Variants in CNTN6 observed in about 807,000 individuals in gnomAD.
CNTN6 encodes contactin-6.
Under a neutral mutation model 122.8 loss-of-function variants are expected in CNTN6, and 137 were observed. The observed-to-expected ratio is 1.12, with a 90% CI of 0.97 to 1.29. The LOEUF (loss-of-function observed/expected upper bound fraction) is 1.29. CNTN6 is among the 50% of genes most tolerant of loss of function. The pLI is 0.00. For missense variants in CNTN6, 1,634 were observed against 1,223.4 expected (o/e 1.34, Z -5.01); for synonymous variants, 570 against 426.0 (o/e 1.34, Z -4.16).
chr3:1,299,921 T>A (rs1227068643), intron 7 of CNTN6, among the ~76,000 whole-genome samples: 1 of 152,226 alleles, frequency 6.6e-6, no homozygotes, highest in African/African-American at 2.4e-5. Context: ...ACATTAAGAC[T>A]TGGCATTTAT....
chr3:1,330,482 C>T (rs778041923), intron 11 of CNTN6, among the ~76,000 whole-genome samples: 1 of 151,328 alleles, frequency 6.6e-6, no homozygotes, highest in African/African-American at 2.4e-5. Flanking sequence ...CAAAAGAAAA[C>T]AAACAAACAA....
chr3:1,333,310 C>T (rs562943651), intron 11 of CNTN6, among the ~76,000 whole-genome samples: 16 of 152,026 alleles, frequency 1.1e-4, no homozygotes, highest in Admixed American at 3.9e-4. Flanking sequence ...TCCCATTTTC[C>T]GAATTTACAG....
In CNTN6 at chr3:1,383,036, C is replaced by CA. The variant is rs770498747; in HGVS notation, c.2262dup (p.Ser755IlefsTer12). On this transcript the variant is annotated frameshift_variant, in exon 18 of 23. Coordinates refer to ENST00000446702, the MANE Select transcript of CNTN6 (RefSeq NM_001289080.2). LOFTEE classifies it high-confidence loss of function. Reference sequence around the variant, plus strand: ...ACAACCTGGTCCAAGGAGAAAGTGTCATCTGTGGAATCATCAAGGTTTGTC... The same window carrying CA: ...ACAACCTGGTCCAAGGAGAAAGTGTCAATCTGTGGAATCATCAAGGTTTGTC... The CA allele has an allele frequency of 3.7e-6, 6 of 1,614,008 alleles. No homozygotes were observed. The South Asian group carries it at 6.6e-5, about 18-fold the overall frequency.
chr3:1,372,904 G>T lies in CNTN6; in HGVS notation c.1735G>T (p.Val579Leu), dbSNP rs372282015. The change falls in exon 14 of 23, where the codon GTA (valine) becomes TTA (leucine). Residue 579 changes from valine to leucine, a missense_variant. Val to Leu is a conservative substitution (Grantham distance 32, BLOSUM62 1). Coordinates refer to ENST00000446702, the MANE Select transcript of CNTN6 (RefSeq NM_001289080.2). The part of the protein sequence containing the change: ...LHHSGKYLCT[V>L]QTTLESLSAV... ...TCATTCAGGAAAATATCTCTGCACA[G>T]TACAAACAACCCTAGAAAGTTTATC... 174 of 1,609,404 alleles carry T rather than the reference G, an allele frequency of 1.1e-4. No homozygotes were observed. The highest frequency in any genetic ancestry group is 1.4e-4 in the Non-Finnish European group (163 of 1,177,256).
At chr3:1,357,289 T>C (rs1301493991) in intron 12 of CNTN6, among the ~76,000 whole-genome samples, 2 of 151,914 alleles carry the variant, frequency 1.3e-5, no homozygotes, top group Non-Finnish European at 2.9e-5. Flanking sequence ...TATAGAACTC[T>C]TACTAAAGTG....
intron 4 of CNTN6, among the ~76,000 whole-genome samples, chr3:1,249,791 C>G (rs916007009): frequency 6.6e-5 from 10 of 152,164 alleles, no homozygotes; most frequent in African/African-American, 2.4e-4. Flanking sequence ...GGGTATGTCC[C>G]TTGAGCACAA....
chr3:1,361,321 A>T (rs1018440246), intron 12 of CNTN6, among the ~76,000 whole-genome samples: 1 of 152,116 alleles, frequency 6.6e-6, no homozygotes, highest in Non-Finnish European at 1.5e-5. Context: ...TAGAAGCTAC[A>T]ATGTTGCTAT....
intron 11 of CNTN6, among the ~76,000 whole-genome samples, chr3:1,336,761 T>A (rs2126022467): frequency 6.6e-6 from 1 of 152,222 alleles, no homozygotes; most frequent in Non-Finnish European, 1.5e-5. Context: ...CTTCAATATT[T>A]TTGCCTTCAA....
At chr3:1,265,322 GA>G (rs2094910862) in intron 4 of CNTN6, among the ~76,000 whole-genome samples, 1 of 152,020 alleles carries the variant, frequency 6.6e-6, no homozygotes, top group African/African-American at 2.4e-5. Context: ...CTGTTCTCTG[GA>G]AAAATCAGTG....
chr3:1,321,625 A>G (rs779321463), intron 7 of CNTN6, 25 bp from the exon 8 acceptor site: 6 of 1,509,660 alleles, frequency 4.0e-6, no homozygotes, highest in East Asian at 2.3e-5. Flanking sequence ...ACCGTCTTCT[A>G]TTCTAATGAG....
At chr3:1,103,237 C>T (rs1262381990) in intron 1 of CNTN6, among the ~76,000 whole-genome samples, 2 of 152,186 alleles carry the variant, frequency 1.3e-5, no homozygotes, top group Non-Finnish European at 2.9e-5. Flanking sequence ...CATTTAATGT[C>T]GTTAGTCAAT....
rs1486954316 is a variant in CNTN6 at position 1,298,155 on chromosome 3, T to C, written c.761+164T>C. 4 of 573,842 alleles carry C rather than the reference T, an allele frequency of 7.0e-6. No homozygotes were observed. In the East Asian group the frequency reaches 1.2e-4, roughly 17 times the overall value. The allele number at this position is 573,842 out of a possible 1,614,324, so 35.5% of individuals were successfully genotyped here. ...TTTGAATTTAAACAAACATGTCTAA[T>C]ACTGAGACAATGACCAGGCCTGTAA... On this transcript the variant is annotated intron_variant, in intron 7 of 22. Coordinates refer to ENST00000446702, the MANE Select transcript of CNTN6 (RefSeq NM_001289080.2).
chr3:1,267,905 TTGATGACACCAC>T (rs2125736846), intron 4 of CNTN6, among the ~76,000 whole-genome samples: 1 of 152,124 alleles, frequency 6.6e-6, no homozygotes, highest in East Asian at 1.9e-4. Context: ...AACACGTCCC[TTGATGACACCAC>T]TGATGACACC....
intron 7 of CNTN6, among the ~76,000 whole-genome samples, chr3:1,304,789 C>T (rs907046075): frequency 6.6e-6 from 1 of 151,726 alleles, no homozygotes; most frequent in Non-Finnish European, 1.5e-5. Context: ...GTCAGGAGTT[C>T]AAGACCAGCC....
At chr3:1,099,762 T>A (rs1269474214) in intron 1 of CNTN6, among the ~76,000 whole-genome samples, 2 of 152,200 alleles carry the variant, frequency 1.3e-5, no homozygotes, top group Non-Finnish European at 1.5e-5. Context: ...GAAGTTGGAC[T>A]TATTTCTTAC....
At chr3:1,255,944 C>G (rs981288251) in intron 4 of CNTN6, among the ~76,000 whole-genome samples, 20 of 151,942 alleles carry the variant, frequency 1.3e-4, no homozygotes, top group Non-Finnish European at 2.5e-4. Flanking sequence ...CAAGACTAAC[C>G]ACAATGGGGA....
intron 1 of CNTN6, among the ~76,000 whole-genome samples, chr3:1,130,189 A>G (rs368209610): frequency 6.6e-6 from 1 of 152,062 alleles, no homozygotes; most frequent in Non-Finnish European, 1.5e-5. Context: ...CATTGACTTT[A>G]TTTCAAGGCC....
intron 2 of CNTN6, among the ~76,000 whole-genome samples, chr3:1,154,643 A>C (rs1000901115): frequency 6.6e-6 from 1 of 151,924 alleles, no homozygotes; most frequent in African/African-American, 2.4e-5. Context: ...GGGTTTCTCC[A>C]TGTTGGTCAG....
intron 2 of CNTN6, among the ~76,000 whole-genome samples, chr3:1,188,014 A>T (rs1241800586): frequency 6.6e-6 from 1 of 152,126 alleles, no homozygotes; most frequent in East Asian, 1.9e-4. Context: ...CACACCCGCT[A>T]CCCCTGCCAA....
Sources: allele counts gnomAD v4.1 joint callset (sites outside exome capture counted in the v4.1 genomes callset), GRCh38; gene constraint gnomAD v4.1.1; transcripts MANE v1.5; gene names NCBI Gene and HGNC (gene_info 2026-07-23, HGNC 2026-07-21).